DLG5: variants seen among roughly 807,000 people sequenced by gnomAD.
DLG5 encodes discs large MAGUK scaffold protein 5.
DLG5 carries 48 observed loss-of-function variants against 189.8 expected under a neutral mutation model. That is an observed-to-expected ratio of 0.25 (90% CI 0.20 to 0.32). DLG5 has a LOEUF of 0.32. DLG5 is among the 10% of genes least tolerant of loss of function. The pLI is 1.00. For synonymous variants in DLG5, 1,016 were observed against 1,054.1 expected (o/e 0.96, Z 0.70); for missense variants, 2,160 against 2,544.7 (o/e 0.85, Z 3.25).
intron 20 of DLG5, among the ~76,000 whole-genome samples, chr10:77,814,462 TA>T (rs1457298594): frequency 0.33 from 6,120 of 18,426 alleles, 548 homozygotes; most frequent in African/African-American, 0.51. Context: ...AAAGCATGTT[TA>T]TATATATATA....
At chr10:77,827,520 C>A (rs1163894495) in intron 13 of DLG5, among the ~76,000 whole-genome samples, 3 of 152,186 alleles carry the variant, frequency 2.0e-5, no homozygotes, top group African/African-American at 7.2e-5. Flanking sequence ...GCCACCGTGC[C>A]CCGCTGGCAT....
At chr10:77,856,453 G>GACACGGACAC (rs1844231164) in intron 3 of DLG5, among the ~76,000 whole-genome samples, 1 of 149,876 alleles carries the variant, frequency 6.7e-6, no homozygotes, top group Admixed American at 6.6e-5. Flanking sequence ...CAGTGGTAGG[G>GACACGGACAC]ACACACACAC....
At chr10:77,896,157 T>C (rs1379605433) in intron 1 of DLG5, among the ~76,000 whole-genome samples, 1 of 138,968 alleles carries the variant, frequency 7.2e-6, no homozygotes, top group African/African-American at 2.7e-5. Context: ...AAAAAAAAAA[T>C]AGTAGTGAGT....
chr10:77,927,043 G>A (rs1164828895), upstream of DLG5: 1 of 237,072 alleles, frequency 4.2e-6, no homozygotes. Context: ...ACCCCGGCCC[G>A]GCTCACCGGG....
In DLG5 at chr10:77,796,804, A is replaced by G. The variant is rs2154574833; in HGVS notation, c.5165-210T>C. The stretch of plus-strand genomic sequence containing the variant: ...ACCCCCCATGCCCTCTGTGAACACC[A>G]GAGGCAGCTGGTCTCAACCACTCAT... On this transcript the variant is annotated intron_variant, in intron 27 of 31. Transcript: ENST00000372391. This position sits in a 1 kb window ranked among gnomAD's most constrained non-coding sequence, Gnocchi z 5.2. Among the ~76,000 whole-genome samples, 1 of 152,300 alleles carries G rather than the reference A, an allele frequency of 6.6e-6. No homozygotes were observed. Among genetic ancestry groups the G allele is most frequent in the African/African-American group, 2.4e-5 (1 of 41,564 alleles).
intron 1 of DLG5, among the ~76,000 whole-genome samples, chr10:77,896,918 T>C (rs1480716984): frequency 1.3e-5 from 2 of 151,972 alleles, no homozygotes; most frequent in East Asian, 3.9e-4. Flanking sequence ...CTTTGATGGA[T>C]CTGAACATTT....
chr10:77,827,436 G>A (rs889174299), intron 13 of DLG5, among the ~76,000 whole-genome samples: 7 of 152,148 alleles, frequency 4.6e-5, no homozygotes, highest in African/African-American at 1.7e-4. Context: ...ACGTTCCCCA[G>A]GCTGGTCTCG....
In DLG5 at chr10:77,814,934, G is replaced by A. The variant is rs78054874; in HGVS notation, c.4025+1617C>T. On this transcript the variant is annotated intron_variant, in intron 20 of 31. Coordinates refer to ENST00000372391, the MANE Select transcript of DLG5 (RefSeq NM_004747.4). ...TACTGTACTTCAGAATCTGGGAAAC[G>A]GGGCCATTTTTAAAAAGAAAGCTGT... Among the ~76,000 whole-genome samples, 776 of 152,196 alleles carry A rather than the reference G, an allele frequency of 5.1e-3. 8 individuals are homozygous for A. The highest frequency in any genetic ancestry group is 6.8e-3 in the Middle Eastern group (2 of 294).
chr10:77,882,253 T>C lies in DLG5; in HGVS notation c.305-13056A>G, dbSNP rs561224680. On this transcript the variant is annotated intron_variant, in intron 1 of 31. Coordinates refer to ENST00000372391, the MANE Select transcript of DLG5 (RefSeq NM_004747.4). ...TGGATGGACATGGGCTCCCTCTGCTTTGGCCACCTCCTAATCAGTGACCAG... is the reference window on the plus strand; with the variant it reads ...TGGATGGACATGGGCTCCCTCTGCTCTGGCCACCTCCTAATCAGTGACCAG... Among the ~76,000 whole-genome samples, 9 of 152,348 alleles carry C rather than the reference T, an allele frequency of 5.9e-5. No homozygotes were observed. In the South Asian group the frequency reaches 1.9e-3, roughly 32 times the overall value.
chr10:77,868,780 G>T (rs1844787829), intron 2 of DLG5: 2 of 304,818 alleles, frequency 6.6e-6, no homozygotes, highest in Non-Finnish European at 1.2e-5. Flanking sequence ...TATCCCCAAG[G>T]AAACTCCAAA....
the DLG5 span, among the ~76,000 whole-genome samples, chr10:77,939,191 AAAAC>A: frequency 1.3e-5 from 2 of 152,166 alleles, no homozygotes; most frequent in East Asian, 1.9e-4. Flanking sequence ...AAAACAAAAC[AAAAC>A]AAACAAACAA....
chr10:77,830,404 C>G, intron 10 of DLG5, 60 bp from the exon 11 acceptor site: 1 of 1,609,288 alleles, frequency 6.2e-7, no homozygotes, highest in Non-Finnish European at 8.5e-7. Context: ...ACATTTGGCT[C>G]TTAAGCCCCG....
chr10:77,846,728 T>C (rs771215315), intron 5 of DLG5: 5 of 456,050 alleles, frequency 1.1e-5, no homozygotes, highest in South Asian at 7.7e-5. Flanking sequence ...TGTTTTACTG[T>C]CTAAACATCC....
At chr10:77,818,140 G>A (rs1003576035) in intron 17 of DLG5, among the ~76,000 whole-genome samples, 7 of 152,132 alleles carry the variant, frequency 4.6e-5, no homozygotes, top group Non-Finnish European at 1.0e-4. Flanking sequence ...CAGCCATAGG[G>A]TCAGGATTAG....
intron 1 of DLG5, among the ~76,000 whole-genome samples, chr10:77,871,472 A>G (rs1315704451): frequency 2.0e-5 from 3 of 149,968 alleles, no homozygotes; most frequent in Admixed American, 6.7e-5. Flanking sequence ...AACCCACACT[A>G]TTAGTTTTGC....
intron 17 of DLG5, among the ~76,000 whole-genome samples, chr10:77,818,919 G>T (rs183163033): frequency 2.0e-5 from 3 of 152,138 alleles, no homozygotes; most frequent in African/African-American, 7.2e-5. Flanking sequence ...AAAAATATCT[G>T]TCAAATGAAT....
chr10:77,840,261 C>T (rs1289061171), intron 7 of DLG5, among the ~76,000 whole-genome samples: 1 of 151,838 alleles, frequency 6.6e-6, no homozygotes, highest in African/African-American at 2.4e-5. Context: ...GCCTATAGTC[C>T]CAGCTACTTG....
In DLG5 at chr10:77,819,375, G is replaced by A. The variant is rs960390609; in HGVS notation, c.3617C>T (p.Pro1206Leu). The A allele has an allele frequency of 6.2e-7, 1 of 1,614,150 alleles. No homozygotes were observed. The highest frequency in any genetic ancestry group is 1.1e-5 in the South Asian group (1 of 91,080). ...IYTVRSHRVG[P>L]CSSPPAARDA... ...TCGGGCCGCAGGTGGAGAGCTGCAG[G>A]GGCCGACCCTGTGACTGCGCACAGT... The change falls in exon 17 of 32, where the codon CCC (proline) becomes CTC (leucine). Residue 1206 changes from proline to leucine, a missense_variant. Physicochemically the swap from Pro to Leu is moderately conservative, Grantham distance 98 (BLOSUM62 -3). Transcript: ENST00000372391.
chr10:77,890,601 G>A (rs139340093), intron 1 of DLG5, among the ~76,000 whole-genome samples: 3,529 of 152,310 alleles, frequency 0.023, 60 homozygotes, highest in Non-Finnish European at 0.036. Flanking sequence ...CAGATCACCT[G>A]AGGTCGGGAG....
Sources: gnomAD v4.1 joint callset for allele counts (sites outside exome capture counted in the v4.1 genomes callset) on GRCh38, gnomAD v4.1.1 for gene constraint, Gnocchi (gnomAD v3.1) non-coding constraint, MANE v1.5 for transcripts, NCBI Gene and HGNC (gene_info 2026-07-23, HGNC 2026-07-21) for gene names.